The following TASP1 variants were observed in gnomAD, a reference collection of about 807,000 sequenced individuals.
The protein encoded by TASP1 is threonine aspartase 1.
TASP1 carries 16 observed loss-of-function variants against 56.6 expected under a neutral mutation model. The observed-to-expected ratio is 0.28, with a 90% CI of 0.19 to 0.43. The LOEUF (loss-of-function observed/expected upper bound fraction) is 0.43. Among genes scored for constraint, TASP1 ranks in the 20% least tolerant of loss-of-function variants. The pLI is 1.00. For missense variants in TASP1, 393 were observed against 511.6 expected (o/e 0.77, Z 2.24); for synonymous variants, 179 against 184.2 (o/e 0.97, Z 0.23).
intron 10 of TASP1, among the ~76,000 whole-genome samples, chr20:13,519,900 A>G (rs970838073): frequency 6.6e-6 from 1 of 152,228 alleles, no homozygotes; most frequent in Admixed American, 6.5e-5. Flanking sequence ...AATCTCCTTA[A>G]GCTGGTAGGC....
chr20:13,221,883 C>G, the TASP1 span: 1 of 1,405,380 alleles, frequency 7.1e-7, no homozygotes, highest in South Asian at 1.5e-5. Flanking sequence ...CCCGACGCGG[C>G]CGCGGGCAAC....
chr20:13,340,789 T>C, the TASP1 span, among the ~76,000 whole-genome samples: 2 of 152,208 alleles, frequency 1.3e-5, no homozygotes, highest in Non-Finnish European at 2.9e-5. Flanking sequence ...ATTACAAATT[T>C]ACCACTGAAA....
chr20:13,225,875 G>A, the TASP1 span, among the ~76,000 whole-genome samples: 2 of 152,030 alleles, frequency 1.3e-5, no homozygotes, highest in African/African-American at 4.8e-5. Context: ...AACATACATA[G>A]ATATGGATAT....
chr20:13,313,327 A>G, the TASP1 span, among the ~76,000 whole-genome samples: 1 of 152,234 alleles, frequency 6.6e-6, no homozygotes, highest in Non-Finnish European at 1.5e-5. Flanking sequence ...CTCTGCAAAT[A>G]GTGAAGTGTA....
the TASP1 span, among the ~76,000 whole-genome samples, chr20:13,365,148 C>A: frequency 7.9e-5 from 12 of 152,186 alleles, no homozygotes; most frequent in African/African-American, 1.2e-4. Context: ...TGGCCAACAA[C>A]CTACACGTGA....
chr20:13,504,481 G>A (rs1251463568), intron 10 of TASP1, among the ~76,000 whole-genome samples: 1 of 152,092 alleles, frequency 6.6e-6, no homozygotes, highest in African/African-American at 2.4e-5. Context: ...TCTACTAGCT[G>A]AAATGAAAGG....
At chr20:13,146,376 C>T in the TASP1 span, among the ~76,000 whole-genome samples, 5 of 152,038 alleles carry the variant, frequency 3.3e-5, no homozygotes, top group African/African-American at 1.2e-4. Flanking sequence ...ACCCCCACGA[C>T]ACGTGTTTAC....
At chr20:13,325,011 T>C in the TASP1 span, among the ~76,000 whole-genome samples, 1 of 152,204 alleles carries the variant, frequency 6.6e-6, no homozygotes, top group Non-Finnish European at 1.5e-5. Context: ...AGTGCAGCTA[T>C]TTCTCTATTG....
At chr20:13,318,964 C>A in the TASP1 span, among the ~76,000 whole-genome samples, 1 of 152,158 alleles carries the variant, frequency 6.6e-6, no homozygotes, top group African/African-American at 2.4e-5. Context: ...GGTCATTATA[C>A]ATTTGTCCAA....
At chr20:13,384,256 C>T in the TASP1 span, among the ~76,000 whole-genome samples, 1 of 152,204 alleles carries the variant, frequency 6.6e-6, no homozygotes, top group African/African-American at 2.4e-5. Context: ...GGCAAAGAAA[C>T]TCCCACCCAC....
chr20:13,269,987 T>C, the TASP1 span, among the ~76,000 whole-genome samples: 2 of 118,290 alleles, frequency 1.7e-5, no homozygotes, highest in African/African-American at 6.5e-5. Context: ...GTGAATGGAG[T>C]ATGGATGGGT....
At chr20:13,190,412 C>T in the TASP1 span, among the ~76,000 whole-genome samples, 1 of 152,112 alleles carries the variant, frequency 6.6e-6, no homozygotes, top group Non-Finnish European at 1.5e-5. Context: ...AAATCAATAA[C>T]CCATAAATAA....
the TASP1 span, among the ~76,000 whole-genome samples, chr20:13,354,046 T>C: frequency 6.6e-6 from 1 of 152,088 alleles, no homozygotes; most frequent in African/African-American, 2.4e-5. Flanking sequence ...ACTGTCAAAA[T>C]AATGAATAAG....
At chr20:13,498,624 G>A (rs1022771675) in intron 10 of TASP1, among the ~76,000 whole-genome samples, 63 of 151,838 alleles carry the variant, frequency 4.1e-4, no homozygotes, top group Middle Eastern at 3.4e-3. Flanking sequence ...GATTATAGGC[G>A]TGGGCCACCA....
At chr20:13,273,954 T>G in the TASP1 span, among the ~76,000 whole-genome samples, 1 of 152,188 alleles carries the variant, frequency 6.6e-6, no homozygotes, top group African/African-American at 2.4e-5. Context: ...GCCTTCTGTT[T>G]GTGGAAGACC....
the TASP1 span, among the ~76,000 whole-genome samples, chr20:13,366,069 A>T: frequency 1.3e-5 from 2 of 152,336 alleles, no homozygotes; most frequent in Middle Eastern, 6.8e-3. Flanking sequence ...AGCTGAAATG[A>T]TGAATTCTGG....
intron 10 of TASP1, among the ~76,000 whole-genome samples, chr20:13,487,292 A>G (rs2043356739): frequency 2.6e-5 from 4 of 152,270 alleles, no homozygotes; most frequent in Middle Eastern, 6.8e-3. Context: ...AGCAGTTGGC[A>G]GGGGTGCTAC....
At chr20:13,294,755 C>T in the TASP1 span, among the ~76,000 whole-genome samples, 48 of 152,336 alleles carry the variant, frequency 3.2e-4, no homozygotes, top group African/African-American at 1.1e-3. Context: ...CAGCTGGCAG[C>T]ACCTCGACAC....
the TASP1 span, among the ~76,000 whole-genome samples, chr20:13,336,148 G>T: frequency 5.3e-5 from 8 of 152,240 alleles, no homozygotes; most frequent in Non-Finnish European, 1.2e-4. Flanking sequence ...GTTTCCAGGG[G>T]GCCCAAAGGA....
Sources: allele counts gnomAD v4.1 joint callset (sites outside exome capture counted in the v4.1 genomes callset), GRCh38; gene constraint gnomAD v4.1.1; transcripts MANE v1.5; gene names NCBI Gene and HGNC (gene_info 2026-07-23, HGNC 2026-07-21).